Variants in CHN2 observed in about 807,000 individuals in gnomAD.
CHN2 encodes beta-chimaerin.
Under a neutral mutation model 56.3 loss-of-function variants are expected in CHN2, and 35 were observed. The observed-to-expected ratio is 0.62, with a 90% CI of 0.47 to 0.82. CHN2 has a LOEUF of 0.82. Ranked by LOEUF, CHN2 falls within the 40% of genes least tolerant of loss-of-function variation. The pLI is 0.00. For missense variants in CHN2, 491 were observed against 580.5 expected, an observed-to-expected ratio of 0.85 and a Z score of 1.58; for synonymous variants, 210 against 212.8, an observed-to-expected ratio of 0.99 and a Z score of 0.12.
intron 1 of CHN2, among the ~76,000 whole-genome samples, chr7:29,345,482 C>G (rs1797362695): frequency 6.6e-6 from 1 of 152,048 alleles, no homozygotes; most frequent in Non-Finnish European, 1.5e-5. Context: ...AGGAAGCCAG[C>G]AGTGTGCACG....
intron 1 of CHN2, among the ~76,000 whole-genome samples, chr7:29,353,740 T>G (rs979720757): frequency 7.3e-5 from 11 of 151,636 alleles, no homozygotes; most frequent in African/African-American, 2.7e-4. Context: ...GAGAACAGAG[T>G]TTCCATATCT....
intron 1 of CHN2, among the ~76,000 whole-genome samples, chr7:29,300,428 C>T (rs997562827): frequency 6.6e-6 from 1 of 152,154 alleles, no homozygotes; most frequent in Non-Finnish European, 1.5e-5. Context: ...TTCATTAGGG[C>T]AGGAATGCCT....
upstream of CHN2, among the ~76,000 whole-genome samples, chr7:29,191,201 G>A (rs1424716499): frequency 6.6e-6 from 1 of 152,086 alleles, no homozygotes; most frequent in East Asian, 1.9e-4. Context: ...TGAGTCACTG[G>A]GATTATAGGC....
At chr7:29,213,195 A>C in intron 1 of CHN2, 1 of 1,278,542 alleles carries the variant, frequency 7.8e-7, no homozygotes, top group Non-Finnish European at 1.1e-6. Flanking sequence ...CTCCACGAAC[A>C]CGCAACCTGA....
intron 6 of CHN2, among the ~76,000 whole-genome samples, chr7:29,460,773 G>A (rs975652940): frequency 1.2e-4 from 18 of 152,222 alleles, no homozygotes; most frequent in African/African-American, 3.4e-4. Context: ...ACAGAGCCCT[G>A]TCCTTGGCTG....
intron 1 of CHN2, among the ~76,000 whole-genome samples, chr7:29,252,727 C>T (rs537795597): frequency 1.6e-5 from 2 of 128,918 alleles, no homozygotes; most frequent in East Asian, 4.0e-4. Flanking sequence ...TCCCGAGTAG[C>T]TGGGACTACA....
At position 29,173,774 on chromosome 7, in the gene CHN2, C is replaced by CA. The variant is rs764330313; in HGVS notation, c.274+26831dup. On this transcript the variant is annotated intron_variant, in intron 2 of 6. Coordinates refer to the CHN2 transcript ENST00000439384. ...CAACATGGTGAAACCCTGTCTCTAC[C>CA]AAAAAAAAAAAAAAAAATTAGTCGA... 2.8e-3 allele frequency among the ~76,000 whole-genome samples: 335 copies of CA among 120,208 alleles called. 1 individual carries two copies. The highest frequency in any genetic ancestry group is 5.6e-3 in the East Asian group (24 of 4,260). The allele number at this position is 120,208 out of a possible 152,430, so 78.9% of individuals were successfully genotyped here. A position where few individuals can be genotyped will look rare whatever the true frequency, so the allele number is the denominator to read the frequency against.
chr7:29,473,402 C>T (rs559260486), intron 6 of CHN2, among the ~76,000 whole-genome samples: 5 of 150,914 alleles, frequency 3.3e-5, no homozygotes, highest in Admixed American at 3.3e-4. Flanking sequence ...GCCCCCATCT[C>T]CAGAAATTTG....
intron 1 of CHN2, among the ~76,000 whole-genome samples, chr7:29,234,205 T>C (rs576262925): frequency 6.6e-6 from 1 of 152,264 alleles, no homozygotes; most frequent in African/African-American, 2.4e-5. Context: ...GTTTGTGTTA[T>C]TTTAAGCCAC....
At chr7:29,350,972 G>A (rs748154838) in intron 1 of CHN2, among the ~76,000 whole-genome samples, 4 of 152,120 alleles carry the variant, frequency 2.6e-5, no homozygotes, top group Non-Finnish European at 5.9e-5. Flanking sequence ...GCCGGTTGCA[G>A]TGATGGGCAC....
At chr7:29,267,237 C>CT (rs11436051) in intron 1 of CHN2, among the ~76,000 whole-genome samples, 41,305 of 144,570 alleles carry the variant, frequency 0.29, 5,864 homozygotes, top group African/African-American at 0.33. Flanking sequence ...GTGCATATTT[C>CT]TTTTTTTTTT....
rs1791003835 is a variant in CHN2, at chr7:29,509,398, C to T, written c.1227C>T (p.His409=). Residue 409 remains histidine (H), a synonymous_variant, in exon 12 of 13, where the codon CAC becomes CAT. Transcript: ENST00000222792. ...HYETLRYLMI[H]LKKVTMNEKD... Reference sequence around the variant, plus strand: ...AAACCCTCCGGTACCTAATGATCCACCTCAAAAAGTAAGCTCATGTCTCGT... The same window carrying T: ...AAACCCTCCGGTACCTAATGATCCATCTCAAAAAGTAAGCTCATGTCTCGT... The T allele has an allele frequency of 4.3e-6, 7 of 1,613,312 alleles. No homozygotes were observed. The highest frequency in any genetic ancestry group is 1.3e-5 in the African/African-American group (1 of 75,048).
At chr7:29,427,466 G>T (rs1804978901) in intron 6 of CHN2, among the ~76,000 whole-genome samples, 1 of 151,880 alleles carries the variant, frequency 6.6e-6, no homozygotes, top group Admixed American at 6.6e-5. Context: ...GTAACTTTAG[G>T]TGTCAAAGGT....
At chr7:29,212,530 C>T in intron 1 of CHN2, 5 of 1,527,048 alleles carry the variant, frequency 3.3e-6, no homozygotes, top group South Asian at 1.1e-5. Flanking sequence ...GCAAACAACC[C>T]ATTGCTGCAG....
intron 6 of CHN2, among the ~76,000 whole-genome samples, chr7:29,442,725 A>T (rs2128124837): frequency 6.6e-6 from 1 of 152,182 alleles, no homozygotes; most frequent in South Asian, 2.1e-4. Context: ...ATGTCAATTT[A>T]TACTGGGCAT....
chr7:29,259,391 CTA>C (rs1263041230), intron 1 of CHN2, among the ~76,000 whole-genome samples: 1 of 151,704 alleles, frequency 6.6e-6, no homozygotes, highest in Admixed American at 6.6e-5. Context: ...AGGAAGATCT[CTA>C]TGTGTGAGTG....
At chr7:29,437,149 A>G (rs932167601) in intron 6 of CHN2, among the ~76,000 whole-genome samples, 2 of 152,132 alleles carry the variant, frequency 1.3e-5, no homozygotes, top group Admixed American at 6.5e-5. Flanking sequence ...TCAGTATTTT[A>G]TTGCCATATT....
chr7:29,386,029 A>G (rs920252445), intron 3 of CHN2, among the ~76,000 whole-genome samples: 1 of 152,220 alleles, frequency 6.6e-6, no homozygotes, highest in African/African-American at 2.4e-5. Context: ...TTTATAGTAC[A>G]TTCTAATCAA....
chr7:29,237,362 C>T (rs1235392644), intron 1 of CHN2, among the ~76,000 whole-genome samples: 1 of 152,186 alleles, frequency 6.6e-6, no homozygotes, highest in Non-Finnish European at 1.5e-5. Flanking sequence ...TCAGTAACTC[C>T]TCATCCCATG....
Sources: gnomAD v4.1 joint callset for allele counts (sites outside exome capture counted in the v4.1 genomes callset) on GRCh38, gnomAD v4.1.1 for gene constraint, MANE v1.5 for transcripts, NCBI Gene and HGNC (gene_info 2026-07-23, HGNC 2026-07-21) for gene names.